PLXNA3: variants seen among roughly 807,000 people sequenced by gnomAD.
The protein encoded by PLXNA3 is plexin-A3.
A neutral mutation model predicts 118.8 loss-of-function variants in PLXNA3; 52 were observed. The observed-to-expected ratio is 0.44, with a 90% confidence interval of 0.35 to 0.55. The LOEUF (loss-of-function observed/expected upper bound fraction) is 0.55, where lower values mean the gene tolerates loss of function less well. PLXNA3 is among the 20% of genes least tolerant of loss of function. The pLI, the probability that PLXNA3 is intolerant of heterozygous loss-of-function variation, is 0.01. For missense variants in PLXNA3, 1,660 were observed against 1,730.8 expected (o/e 0.96, Z 0.73); for synonymous variants, 925 against 762.4 (o/e 1.21, Z -3.51).
At chrX:154,463,366 G>T (rs782446850) in intron 4 of PLXNA3, 25 bp from the exon 5 acceptor site, 1 of 1,210,441 alleles carries the variant, frequency 8.3e-7, no homozygotes, top group East Asian at 3.0e-5. Flanking sequence ...GGCTGTGGTG[G>T]CATCAGGCTG....
At chrX:154,465,881 A>G in intron 13 of PLXNA3, 34 bp downstream of exon 13, 31 of 1,209,386 alleles carry the variant, frequency 2.6e-5, no homozygotes, top group African/African-American at 3.5e-5. Flanking sequence ...CCCACTGCCA[A>G]CAGGGCCCCT....
intron 30 of PLXNA3, 84 bp downstream of exon 30, chrX:154,470,695 C>T: frequency 2.1e-6 from 2 of 931,949 alleles, no homozygotes; most frequent in South Asian, 2.2e-5. Flanking sequence ...GACCCAGGGC[C>T]TGGAGTAGCA....
rs1457093377 is a variant in PLXNA3, at chrX:154,471,195, G to A, written c.5247G>A (p.Ser1749=). The change falls in exon 31 of 33, where the codon TCG becomes TCA. Residue 1749 remains serine, a synonymous_variant. Coordinates refer to ENST00000369682, the MANE Select transcript of PLXNA3 (RefSeq NM_017514.5). ...HKNSITDACL[S]VVAQTFMDSC... ...ACAGCATCACGGATGCCTGCCTGTCGGTGGTAGCCCAGACCTTCATGGACT... is the reference window on the plus strand; with the variant it reads ...ACAGCATCACGGATGCCTGCCTGTCAGTGGTAGCCCAGACCTTCATGGACT... 12 of 1,209,003 alleles carry A rather than the reference G, an allele frequency of 9.9e-6. No individual in the cohort carries two copies. Among genetic ancestry groups the A allele is most frequent in the Non-Finnish European group, 1.2e-5 (11 of 894,178 alleles).
At chrX:154,471,364 C>A in intron 31 of PLXNA3, 47 bp downstream of exon 31, 4 of 1,157,817 alleles carry the variant, frequency 3.5e-6, no homozygotes, top group Non-Finnish European at 4.7e-6. Context: ...ACCTGCCCCT[C>A]CCTGGGCTGC....
Position 154,462,194 on chromosome X carries a change from A to G in PLXNA3, c.1201A>G (p.Ile401Val). 1 of 1,204,338 alleles carries G rather than the reference A, an allele frequency of 8.3e-7. No individual in the cohort carries two copies. Among genetic ancestry groups the G allele is most frequent in the Non-Finnish European group, 1.1e-6 (1 of 891,721 alleles). ...LNQPLGGLHV[I>V]EGLPLLADST... The stretch of plus-strand genomic sequence containing the variant: ...CCAGCCTCTGGGAGGCCTGCATGTG[A>G]TCGAGGGGCTGCCCCTGCTGGCCGA... Residue 401 changes from isoleucine to valine, a missense_variant, in exon 4 of 33, where the codon ATC (isoleucine) becomes GTC (valine). This residue lies in a region of PLXNA3 where 791 missense variants were observed against 652.1 expected (regional missense o/e 1.21). Coordinates refer to ENST00000369682, the MANE Select transcript of PLXNA3 (RefSeq NM_017514.5).
Position 154,462,324 on chromosome X carries a change from C to T in PLXNA3, c.1317+14C>T. ...AGCTTGAAGAAGGTGGCCCCCAGAG[C>T]CCTGGGCATGTGGGGGTGGGGACAG... On this transcript the variant is annotated intron_variant, in intron 4 of 32. Transcript: ENST00000369682. 14 of 1,120,367 alleles carry T rather than the reference C, an allele frequency of 1.2e-5. No individual in the cohort carries two copies. Among genetic ancestry groups the T allele is most frequent in the Non-Finnish European group, 1.7e-5 (14 of 845,614 alleles). 92.3% of individuals were successfully genotyped at this position (1,120,367 alleles called of 1,213,427 possible).
In PLXNA3 at chrX:154,461,087, C is replaced by T. The variant is rs1557203975; in HGVS notation, c.595-12C>T. 1 of 1,182,862 alleles carries T rather than the reference C, an allele frequency of 8.5e-7. No homozygotes were observed. The highest frequency in any genetic ancestry group is 1.1e-6 in the Non-Finnish European group (1 of 876,493). The stretch of plus-strand genomic sequence containing the variant: ...GCCTCACCGGATGCTGTCTCCTCCC[C>T]CTGCTCCCCAGGTGTACCAGGATGA... On this transcript the variant is annotated splice_polypyrimidine_tract_variant and intron_variant, in intron 2 of 32. Transcript: ENST00000369682.
At chrX:154,458,968 C>G (rs1305724961) in intron 1 of PLXNA3, among the ~76,000 whole-genome samples, 1 of 110,215 alleles carries the variant, frequency 9.1e-6, no homozygotes, top group Non-Finnish European at 1.9e-5. Context: ...GATGTGGCCT[C>G]TCTTTTCTTT....
At chrX:154,463,277 A>G (rs2069008992) in intron 4 of PLXNA3, 114 bp from the exon 5 acceptor site, 1 of 1,065,996 alleles carries the variant, frequency 9.4e-7, no homozygotes, top group African/African-American at 1.9e-5. Flanking sequence ...TGAGTGCTGA[A>G]CCCCACCAGG....
At position 154,471,576 on chromosome X, in the gene PLXNA3, G is replaced by A. The variant is rs782094886; in HGVS notation, c.5458G>A (p.Asp1820Asn). 5.0e-6 allele frequency: 6 copies of A among 1,210,970 alleles called. No individual in the cohort carries two copies. In the Admixed American group the frequency reaches 8.7e-5, roughly 18 times the overall value. Residue 1820 changes from aspartate to asparagine, a missense_variant, in exon 32 of 33, where the codon GAC becomes AAC. Coordinates refer to ENST00000369682, the MANE Select transcript of PLXNA3 (RefSeq NM_017514.5). ...GGAGCAGTCCCGCCTCCACGCCAGCGACTTCAGCGTCCTGAGTGCGCTCAA... is the reference window on the plus strand; with the variant it reads ...GGAGCAGTCCCGCCTCCACGCCAGCAACTTCAGCGTCCTGAGTGCGCTCAA... ...LVEQSRLHAS[D>N]FSVLSALNEL...
At position 154,470,134 on chromosome X, in the gene PLXNA3, C is replaced by T. The variant is rs781816637; in HGVS notation, c.4953C>T (p.Ser1651=). ...GGGACCGTGGCAGCAAGATGGTCTC[C>T]GAGATCTACCTGACACGGCTGCTGG... is the stretch of plus-strand genomic sequence containing the variant. ...REGDRGSKMV[S]EIYLTRLLAT... is the part of the protein sequence containing the mutation. Residue 1651 remains serine, a synonymous_variant, in exon 29 of 33, where the codon TCC becomes TCT. Coordinates refer to ENST00000369682, the MANE Select transcript of PLXNA3 (RefSeq NM_017514.5). 27 of 1,210,201 alleles carry T rather than the reference C, an allele frequency of 2.2e-5. No individual in the cohort carries two copies. The East Asian group carries it at 2.4e-4, about 11-fold the overall frequency.
chrX:154,470,623 TGCTGG>T lies in PLXNA3; in HGVS notation c.5156+17_5156+21del, dbSNP rs781790465. 5.8e-6 allele frequency: 7 copies of T among 1,202,694 alleles called. No individual in the cohort carries two copies. Among genetic ancestry groups the T allele is most frequent in the Non-Finnish European group, 7.9e-6 (7 of 889,907 alleles). ...TGGAAGAGCAACTGGTATCACCCCG[TGCTGG>T]GCTGCCAGCAGCCTGTCTGGAGACT... On this transcript the variant is annotated intron_variant, in intron 30 of 32. Transcript: ENST00000369682.
chrX:154,465,209 G>C lies in PLXNA3; in HGVS notation c.2235G>C (p.Gln745His), dbSNP rs782171287. Reference protein sequence around the residue: ...VRFNSSSVQCQNASYSYEGDE... With the variant: ...VRFNSSSVQCHNASYSYEGDE... Reference sequence around the variant, plus strand: ...TCAACAGCAGCAGTGTGCAGTGCCAGAACGCCTCGGTGAGGTCCCACCCGC... The same window carrying C: ...TCAACAGCAGCAGTGTGCAGTGCCACAACGCCTCGGTGAGGTCCCACCCGC... Residue 745 changes from glutamine (Q) to histidine (H), a missense_variant, in exon 11 of 33, where the codon CAG becomes CAC. Transcript: ENST00000369682. 6.6e-6 allele frequency: 8 copies of C among 1,206,448 alleles called. No homozygotes were observed. Among genetic ancestry groups the C allele is most frequent in the Admixed American group, 2.2e-5 (1 of 45,889 alleles).
chrX:154,458,622 C>T (rs1003953952), intron 1 of PLXNA3, among the ~76,000 whole-genome samples, 194 bp downstream of exon 1: 3 of 112,590 alleles, frequency 2.7e-5, no homozygotes, highest in Non-Finnish European at 5.7e-5. Flanking sequence ...CAAAGAGGAC[C>T]CTTTGTCGCA....
chrX:154,470,749 C>T (rs931378726), intron 30 of PLXNA3, 138 bp downstream of exon 30: 3 of 595,886 alleles, frequency 5.0e-6, no homozygotes, highest in Non-Finnish European at 5.3e-6. Flanking sequence ...TTGACACTGA[C>T]GGTGCCATCA....
intron 32 of PLXNA3, 135 bp downstream of exon 32, chrX:154,471,773 A>G: frequency 3.6e-6 from 2 of 548,892 alleles, no homozygotes; most frequent in East Asian, 3.6e-5. Context: ...GGCACAGGTG[A>G]TGCTCTCTGG....
At chrX:154,463,021 G>T (rs2069003337) in intron 4 of PLXNA3, among the ~76,000 whole-genome samples, 1 of 111,289 alleles carries the variant, frequency 9.0e-6, no homozygotes, top group African/African-American at 3.3e-5. Context: ...CTTTGTAGCA[G>T]CTTTGTTGAA....
intron 10 of PLXNA3, 46 bp from the exon 11 acceptor site, chrX:154,464,972 G>A (rs374135775): frequency 3.1e-5 from 34 of 1,113,996 alleles, no homozygotes; most frequent in African/African-American, 7.3e-5. Flanking sequence ...GGTTGGGCCT[G>A]GAGAAGGGTG....
chrX:154,465,158 G>T lies in PLXNA3; in HGVS notation c.2184G>T (p.Arg728=), dbSNP rs782746701. ...AGTGCGTGGTGCGGGTGCAGGGGCG[G>T]CAGCAGCGGGTGCCTGCCGTGCGCT... ...NYECVVRVQG[R]QQRVPAVRFN... The change falls in exon 11 of 33, where the codon CGG becomes CGT. Residue 728 remains arginine, a synonymous_variant. Transcript: ENST00000369682. 1.7e-6 allele frequency: 2 copies of T among 1,208,953 alleles called. No homozygotes were observed. Among genetic ancestry groups the T allele is most frequent in the South Asian group, 1.8e-5 (1 of 56,825 alleles).
Sources: allele counts gnomAD v4.1 joint callset (sites outside exome capture counted in the v4.1 genomes callset), GRCh38; gene constraint gnomAD v4.1.1; regional missense constraint gnomAD v4.1.1; transcripts MANE v1.5; gene names NCBI Gene and HGNC (gene_info 2026-07-23, HGNC 2026-07-21).